NUDT22: variants seen among roughly 807,000 people sequenced by gnomAD.
The protein encoded by NUDT22 is nudix hydrolase 22, also known as uridine diphosphate glucose pyrophosphatase NUDT22.
A neutral mutation model predicts 28.8 loss-of-function variants in NUDT22; 23 were observed. That is an observed-to-expected ratio of 0.80 (90% confidence interval 0.58 to 1.13). The LOEUF is 1.13. Ranked by LOEUF, NUDT22 falls within the 50% of genes most tolerant of loss-of-function variation. The pLI is 0.00. For missense variants in NUDT22, 358 were observed against 387.3 expected (o/e 0.92, Z 0.64); for synonymous variants, 175 against 173.7 (o/e 1.01, Z -0.06).
chr11:64,229,616 C>T, intron 5 of NUDT22, 45 bp downstream of exon 5: 1 of 1,541,102 alleles, frequency 6.5e-7, no homozygotes, highest in Admixed American at 1.7e-5. Context: ...GGGCTGGGGC[C>T]TGCAGAGGCC....
intron 2 of NUDT22, 190 bp downstream of exon 2, chr11:64,227,322 A>C (rs1947061298): frequency 1.3e-6 from 1 of 771,448 alleles, no homozygotes; most frequent in African/African-American, 1.7e-5. Context: ...GTGAGAAACT[A>C]GAAAACACGG....
chr11:64,227,423 G>A (rs757291579), intron 2 of NUDT22, 145 bp from the exon 3 acceptor site: 17 of 757,920 alleles, frequency 2.2e-5, no homozygotes, highest in Non-Finnish European at 1.9e-5. Context: ...TTGTCTGTCA[G>A]GGAAAGGACA....
Position 64,227,111 on chromosome 11 carries a change from T to C in NUDT22, c.459T>C (p.Pro153=). ...AGGCCCCTGGGCTGGTGGACGTACC[T>C]GGTGGGCACCCTGAGCCTCAGGTGA... The part of the protein sequence containing the change: ...VAEAPGLVDV[P]GGHPEPQALC... The change falls in exon 2 of 6, where the codon CCT becomes CCC. Residue 153 remains proline (P), a synonymous_variant. Coordinates refer to ENST00000279206, the MANE Select transcript of NUDT22 (RefSeq NM_032344.4). The C allele has an allele frequency of 6.3e-7, 1 of 1,593,368 alleles. No homozygotes were observed. The highest frequency in any genetic ancestry group is 8.5e-7 in the Non-Finnish European group (1 of 1,174,482).
rs1479888396 is a variant in NUDT22 at position 64,227,146 on chromosome 11, C to A, written c.480+14C>A. 5.7e-6 allele frequency: 9 copies of A among 1,576,508 alleles called. No homozygotes were observed. Among genetic ancestry groups the A allele is most frequent in the African/African-American group, 1.3e-5 (1 of 74,180 alleles). On this transcript the variant is annotated intron_variant, in intron 2 of 5. Transcript: ENST00000279206. ...CCTGAGCCTCAGGTGAGATTCCAGG[C>A]TGGGCACAAAGACCCAGACAGCTCA...
rs1290926778 is a variant in NUDT22, at chr11:64,229,522, G to C, written c.722G>C (p.Gly241Ala). 2 of 1,614,184 alleles carry C rather than the reference G, an allele frequency of 1.2e-6. No homozygotes were observed. Among genetic ancestry groups the C allele is most frequent in the Non-Finnish European group, 1.7e-6 (2 of 1,180,012 alleles). Residue 241 changes from glycine (G) to alanine (A), a missense_variant, in exon 5 of 6, where the codon GGG (glycine) becomes GCG (alanine). Physicochemically the swap from Gly to Ala is moderately conservative, Grantham distance 60 (BLOSUM62 0). Transcript: ENST00000279206. The part of the protein sequence containing the change: ...SEQVRKHYLS[G>A]GPEAHESTGI... ...CAGGTGAGGAAGCACTACCTGAGTG[G>C]GGGACCCGAGGCCCACGAGTCTACA...
chr11:64,227,014 TG>T lies in NUDT22; in HGVS notation c.367del (p.Val123TrpfsTer5). The part of the protein sequence containing the change: ...GDTQAYLADP[L>X]GVGAALATAD... ...ACGCAGGCCTATCTGGCGGACCCAC[TG>T]GGGGTGGGCGCTGCACTAGCCACAG... On this transcript the variant is annotated frameshift_variant, in exon 2 of 6. Coordinates refer to ENST00000279206, the MANE Select transcript of NUDT22 (RefSeq NM_032344.4). LOFTEE classifies it high-confidence loss of function. 4 of 1,602,558 alleles carry T rather than the reference TG, an allele frequency of 2.5e-6. No individual in the cohort carries two copies. The highest frequency in any genetic ancestry group is 1.7e-6 in the Non-Finnish European group (2 of 1,179,614).
chr11:64,229,811 G>A, intron 5 of NUDT22, 39 bp from the exon 6 acceptor site: 1 of 1,611,994 alleles, frequency 6.2e-7, no homozygotes, highest in South Asian at 1.1e-5. Flanking sequence ...CAGGAGAAGT[G>A]GCAAGCTTGA....
rs200547112 is a variant in NUDT22, at chr11:64,229,257, C to T, written c.590C>T (p.Pro197Leu). ...CACCCTCCACCGCAGGTGAACCTGC[C>T]GCTGCTCACCCTGAGCCAGCCCCTG... The part of the protein sequence containing the change: ...LQEICDEVNL[P>L]LLTLSQPLLL... The change falls in exon 4 of 6, where the codon CCG (proline) becomes CTG (leucine). Residue 197 changes from proline (P) to leucine (L), a missense_variant. Transcript: ENST00000279206. The T allele has an allele frequency of 2.1e-4, 329 of 1,578,526 alleles. 1 individual carries two copies. The East Asian group carries it at 6.2e-3, about 30-fold the overall frequency.
Position 64,227,057 on chromosome 11 carries a change from C to T in NUDT22, c.405C>T (p.Val135=). The change falls in exon 2 of 6, where the codon GTC becomes GTT. Residue 135 remains valine, a synonymous_variant. Coordinates refer to ENST00000279206, the MANE Select transcript of NUDT22 (RefSeq NM_032344.4). ...TAGCCACAGCCGATGACTTCCTTGT[C>T]TTCCTGCGCCGCTCCCGGCAGGTGG... ...AALATADDFL[V]FLRRSRQVAE... 1 of 1,603,104 alleles carries T rather than the reference C, an allele frequency of 6.2e-7. No individual in the cohort carries two copies. The highest frequency in any genetic ancestry group is 8.5e-7 in the Non-Finnish European group (1 of 1,179,040).
rs1205327269 is a variant in NUDT22, at chr11:64,229,989, G to A, written c.911G>A (p.Ter304=). Residue 304 remains the stop codon, a stop_retained_variant, in exon 6 of 6, where the codon TGA becomes TAA. Transcript: ENST00000279206. ...LGSPALLPPL[*] The stretch of plus-strand genomic sequence containing the variant: ...TCCCCAGCCCTACTCCCGCCGCTCT[G>A]AAAATAATAAACGACTTTATTCTTG... 6.8e-7 allele frequency: 1 copy of A among 1,476,548 alleles called. No individual in the cohort carries two copies. Among genetic ancestry groups the A allele is most frequent in the African/African-American group, 1.4e-5 (1 of 69,906 alleles). The allele number at this position is 1,476,548 out of a possible 1,614,324, so 91.5% of individuals were successfully genotyped here.
chr11:64,227,915 G>A, intron 3 of NUDT22: 1 of 441,094 alleles, frequency 2.3e-6, no homozygotes, highest in Non-Finnish European at 4.1e-6. Context: ...TGTTGCCCAG[G>A]CTGGAATGCA....
At chr11:64,230,146 G>A (rs771652946), downstream of NUDT22, 1 of 876,950 alleles carries the variant, frequency 1.1e-6, no homozygotes, top group Admixed American at 2.0e-5. Flanking sequence ...GCAAGCAGGG[G>A]ATAAGAACTG....
Position 64,226,328 on chromosome 11 carries a change from G to C in NUDT22, c.-118G>C. 1.7e-6 allele frequency: 2 copies of C among 1,173,448 alleles called. No homozygotes were observed. Among genetic ancestry groups the C allele is most frequent in the Non-Finnish European group, 2.1e-6 (2 of 936,332 alleles). The allele number at this position is 1,173,448 out of a possible 1,614,324, so 72.7% of individuals were successfully genotyped here. On this transcript the variant is annotated 5_prime_UTR_variant, in exon 1 of 6. Coordinates refer to ENST00000279206, the MANE Select transcript of NUDT22 (RefSeq NM_032344.4). ...CGCCCGCTGGAGGCTGGAGCTTCCG[G>C]GCCCTGGAAAGGGGTCCCCGCGCGC...
At chr11:64,227,771 C>A in intron 3 of NUDT22, 105 bp downstream of exon 3, 2 of 853,548 alleles carry the variant, frequency 2.3e-6, no homozygotes, top group South Asian at 1.5e-5. Flanking sequence ...GGCATCTGGC[C>A]AGCAATGAGG....
rs1366654564 is a variant in NUDT22 at position 64,229,250 on chromosome 11, A to T, written c.583A>T (p.Asn195Tyr). 2 of 1,571,156 alleles carry T rather than the reference A, an allele frequency of 1.3e-6. No individual in the cohort carries two copies. The highest frequency in any genetic ancestry group is 1.4e-5 in the African/African-American group (1 of 73,906). The change falls in exon 4 of 6, where the codon AAC (asparagine) becomes TAC (tyrosine). Residue 195 changes from asparagine to tyrosine, a missense_variant. By Grantham distance (143) the Asn-to-Tyr change is moderately radical. Coordinates refer to ENST00000279206, the MANE Select transcript of NUDT22 (RefSeq NM_032344.4). ...SVLQEICDEV[N>Y]LPLLTLSQPL... is the part of the protein sequence containing the mutation. ...CCCACCCCACCCTCCACCGCAGGTG[A>T]ACCTGCCGCTGCTCACCCTGAGCCA...
chr11:64,226,434 A>C lies in NUDT22; in HGVS notation c.-19+7A>C. ...AACCCAAGACCTCTGGATGGTAGGG[A>C]TGCCCGGGCGTCCTGGATACCCTGC... On this transcript the variant is annotated splice_region_variant and intron_variant, in intron 1 of 5. Transcript: ENST00000279206. 7.3e-7 allele frequency: 1 copy of C among 1,378,040 alleles called. No individual in the cohort carries two copies. The highest frequency in any genetic ancestry group is 9.3e-7 in the Non-Finnish European group (1 of 1,072,604). 85.4% of individuals were successfully genotyped at this position (1,378,040 alleles called of 1,614,324 possible). A position where few individuals can be genotyped will look rare whatever the true frequency, so the allele number is the denominator to read the frequency against.
Position 64,226,895 on chromosome 11 carries a change from C to T in NUDT22, c.243C>T (p.Arg81=), listed in dbSNP as rs1268087828. 5 of 1,603,792 alleles carry T rather than the reference C, an allele frequency of 3.1e-6. No individual in the cohort carries two copies. In the South Asian group the frequency reaches 4.4e-5, roughly 14 times the overall value. Reference sequence around the variant, plus strand: ...CTCGGGGGCCACAGCTGCTCCTGCGCCTGGGCCTTACTTCCTACCGAGACT... The same window carrying T: ...CTCGGGGGCCACAGCTGCTCCTGCGTCTGGGCCTTACTTCCTACCGAGACT... The part of the protein sequence containing the change: ...IGSRGPQLLL[R]LGLTSYRDFL... The change falls in exon 2 of 6, where the codon CGC becomes CGT. Residue 81 remains arginine (R), a synonymous_variant. Transcript: ENST00000279206.
intron 2 of NUDT22, 177 bp downstream of exon 2, chr11:64,227,309 C>T (rs1453717117): frequency 2.5e-6 from 2 of 805,724 alleles, no homozygotes; most frequent in African/African-American, 3.4e-5. Flanking sequence ...CTGCCCCAGT[C>T]CTGTGAGAAA....
chr11:64,229,213 G>A (rs1294908346), intron 3 of NUDT22, 34 bp from the exon 4 acceptor site: 34 of 1,475,614 alleles, frequency 2.3e-5, no homozygotes, highest in Non-Finnish European at 3.1e-5. Context: ...GCATTGATAG[G>A]TGGGACCTCC....
Sources: gnomAD v4.1 joint callset for allele counts on GRCh38, gnomAD v4.1.1 for gene constraint, MANE v1.5 for transcripts, NCBI Gene and HGNC (gene_info 2026-07-23, HGNC 2026-07-21) for gene names.